ZMIZ1: variants seen among roughly 807,000 people sequenced by gnomAD.
The protein encoded by ZMIZ1 is zinc finger MIZ domain-containing protein 1.
Under a neutral mutation model 113.9 loss-of-function variants are expected in ZMIZ1, and 17 were observed. The ratio of observed to expected loss-of-function variants is 0.15; its 90% CI spans 0.10 to 0.22. ZMIZ1 has a LOEUF of 0.22. Ranked by LOEUF, ZMIZ1 falls within the 10% of genes least tolerant of loss-of-function variation. The pLI, the probability that ZMIZ1 is intolerant of heterozygous loss-of-function variation, is 1.00. For missense variants in ZMIZ1, 1,059 were observed against 1,477.8 expected (o/e 0.72, Z 4.65); for synonymous variants, 607 against 603.1 (o/e 1.01, Z -0.09).
chr10:79,076,833 C>T (rs1658329), intron 1 of ZMIZ1, among the ~76,000 whole-genome samples: 107,244 of 151,884 alleles, frequency 0.71, 39,336 homozygotes, highest in African/African-American at 0.92. Flanking sequence ...CAGGACTCTG[C>T]CTAAAAAAAT....
intron 1 of ZMIZ1, among the ~76,000 whole-genome samples, chr10:79,085,285 G>A (rs1306353079): frequency 6.7e-6 from 1 of 148,886 alleles, no homozygotes; most frequent in Non-Finnish European, 1.5e-5. Context: ...GCTGGTTCTG[G>A]GGGCTCAGCA....
At chr10:79,158,927 C>T (rs1846002680) in intron 3 of ZMIZ1, among the ~76,000 whole-genome samples, 1 of 152,234 alleles carries the variant, frequency 6.6e-6, no homozygotes, top group African/African-American at 2.4e-5. Context: ...CCCCCGGGAG[C>T]TTCAGATGCA....
At chr10:79,120,832 A>G (rs1357930730) in intron 2 of ZMIZ1, among the ~76,000 whole-genome samples, 2 of 152,196 alleles carry the variant, frequency 1.3e-5, no homozygotes, top group Non-Finnish European at 2.9e-5. Flanking sequence ...AATCATGGGC[A>G]TGACAGTCCA....
Position 79,313,937 on chromosome 10 carries a change from T to C in ZMIZ1, c.*1188T>C. ...TCTGTCCAGCCCCTCCCTCTGTCCC[T>C]GTGCTCCAAGCTGCCCCCGGCTGCA... On this transcript the variant is annotated 3_prime_UTR_variant, in exon 25 of 25. Transcript: ENST00000334512. 1 of 417,784 alleles carries C rather than the reference T, an allele frequency of 2.4e-6. No individual in the cohort carries two copies. Among genetic ancestry groups the C allele is most frequent in the South Asian group, 1.8e-5 (1 of 56,704 alleles). The allele number at this position is 417,784 out of a possible 1,614,324, so 25.9% of individuals were successfully genotyped here. A position where few individuals can be genotyped will look rare whatever the true frequency, so the allele number is the denominator to read the frequency against.
intron 4 of ZMIZ1, among the ~76,000 whole-genome samples, chr10:79,175,320 G>A (rs1179986024): frequency 6.6e-6 from 1 of 152,206 alleles, no homozygotes; most frequent in Admixed American, 6.5e-5. Flanking sequence ...CTGCCCGTCT[G>A]CCTCTGGCTC....
intron 2 of ZMIZ1, among the ~76,000 whole-genome samples, chr10:79,119,931 G>A (rs1300050366): frequency 6.8e-6 from 1 of 146,524 alleles, no homozygotes; most frequent in Non-Finnish European, 1.5e-5. Flanking sequence ...CCTGGATTAG[G>A]TACCAACTGC....
intron 7 of ZMIZ1, among the ~76,000 whole-genome samples, chr10:79,274,752 A>G (rs1265708434): frequency 6.6e-6 from 1 of 152,190 alleles, no homozygotes; most frequent in Non-Finnish European, 1.5e-5. Context: ...TGTTTGCGGC[A>G]TGCCAGACTG....
intron 8 of ZMIZ1, among the ~76,000 whole-genome samples, chr10:79,283,832 G>A (rs1034671585): frequency 1.3e-5 from 2 of 152,202 alleles, no homozygotes; most frequent in African/African-American, 4.8e-5. Context: ...GTAGGCCCCA[G>A]TAATTGTGAT....
intron 4 of ZMIZ1, among the ~76,000 whole-genome samples, chr10:79,166,002 G>GTGTGTGTGTGTGTGT (rs56386650): frequency 3.7e-3 from 50 of 13,420 alleles, no homozygotes; most frequent in East Asian, 8.7e-3. Flanking sequence ...GTGTGTGTGT[G>GTGTGTGTGTGTGTGT]GGCTCTCCCT....
chr10:79,314,555 T>A lies in ZMIZ1; in HGVS notation c.*1806T>A. On this transcript the variant is annotated 3_prime_UTR_variant, in exon 25 of 25. Transcript: ENST00000334512. ...GCAAATCAATTATTTTAAGAATCGC[T>A]TTTGTAAATATCTTTGTGAATATTT... The A allele has an allele frequency of 3.7e-6, 1 of 267,874 alleles. No homozygotes were observed. Among genetic ancestry groups the A allele is most frequent in the Non-Finnish European group, 7.4e-6 (1 of 135,102 alleles). The allele number at this position is 267,874 out of a possible 1,614,324, so 16.6% of individuals were successfully genotyped here.
At chr10:79,167,631 C>T (rs1016835709) in intron 4 of ZMIZ1, among the ~76,000 whole-genome samples, 2 of 152,152 alleles carry the variant, frequency 1.3e-5, no homozygotes, top group Non-Finnish European at 2.9e-5. Context: ...CCCACACCGC[C>T]CACAGTAGAT....
intron 3 of ZMIZ1, among the ~76,000 whole-genome samples, chr10:79,150,262 G>A (rs1258369737): frequency 1.3e-5 from 2 of 150,868 alleles, no homozygotes; most frequent in East Asian, 2.0e-4. Flanking sequence ...GCCCCACCCC[G>A]TATTCTCTAC....
At chr10:79,259,637 G>A (rs1274576260) in intron 7 of ZMIZ1, among the ~76,000 whole-genome samples, 1 of 147,308 alleles carries the variant, frequency 6.8e-6, no homozygotes, top group African/African-American at 2.5e-5. Flanking sequence ...TTTTTTTGAG[G>A]TGGTGTCTCA....
At chr10:79,191,438 A>G (rs1022553999) in intron 4 of ZMIZ1, among the ~76,000 whole-genome samples, 10 of 152,092 alleles carry the variant, frequency 6.6e-5, no homozygotes, top group Non-Finnish European at 1.5e-4. Context: ...CCCTCGGGTA[A>G]CTGTTCTCAC....
chr10:79,188,636 T>G (rs1847458020), intron 4 of ZMIZ1, among the ~76,000 whole-genome samples: 1 of 121,900 alleles, frequency 8.2e-6, no homozygotes, highest in Non-Finnish European at 1.7e-5. Context: ...CCCCCTAGTA[T>G]CCCCTCCCCC....
At chr10:79,201,770 G>A in intron 5 of ZMIZ1, 78 bp downstream of exon 5, 3 of 1,523,982 alleles carry the variant, frequency 2.0e-6, no homozygotes, top group South Asian at 1.1e-5. Flanking sequence ...GGTGGGTTCT[G>A]GCTGGAGACG....
intron 4 of ZMIZ1, among the ~76,000 whole-genome samples, chr10:79,199,381 C>A (rs1847975632): frequency 1.3e-5 from 2 of 151,998 alleles, no homozygotes. Context: ...GTGGCAGCAC[C>A]TGTGGCCCCA....
At chr10:79,185,406 A>G (rs1039042198) in intron 4 of ZMIZ1, among the ~76,000 whole-genome samples, 4 of 152,110 alleles carry the variant, frequency 2.6e-5, no homozygotes, top group Non-Finnish European at 5.9e-5. Flanking sequence ...GCACAAGGAC[A>G]TGTTTTGTTT....
At chr10:79,192,433 G>A (rs1451960685) in intron 4 of ZMIZ1, among the ~76,000 whole-genome samples, 1 of 152,252 alleles carries the variant, frequency 6.6e-6, no homozygotes, top group Non-Finnish European at 1.5e-5. Context: ...TTGACAATGG[G>A]TGTTCCCGTG....
Sources: gnomAD v4.1 joint callset for allele counts (sites outside exome capture counted in the v4.1 genomes callset) on GRCh38, gnomAD v4.1.1 for gene constraint, MANE v1.5 for transcripts, NCBI Gene and HGNC (gene_info 2026-07-23, HGNC 2026-07-21) for gene names.